CACHD1: variants seen among roughly 807,000 people sequenced by gnomAD.
CACHD1 encodes VWFA and cache domain-containing protein 1.
A neutral mutation model predicts 138.7 loss-of-function variants in CACHD1; 71 were observed. That is an observed-to-expected ratio of 0.51 (90% CI 0.42 to 0.62). The LOEUF is 0.62. CACHD1 is among the 20% of genes least tolerant of loss of function. The pLI is 0.00. For missense variants in CACHD1, 1,389 were observed against 1,625.3 expected (o/e 0.85, Z 2.50); for synonymous variants, 578 against 591.5 (o/e 0.98, Z 0.33).
At chr1:64,548,727 A>G (rs1646736617) in intron 1 of CACHD1, among the ~76,000 whole-genome samples, 1 of 152,252 alleles carries the variant, frequency 6.6e-6, no homozygotes, top group African/African-American at 2.4e-5. Flanking sequence ...AACAAGGACT[A>G]TACATACACA....
At chr1:64,523,361 AAAAAT>A (rs768577034) in intron 1 of CACHD1, among the ~76,000 whole-genome samples, 163 of 151,468 alleles carry the variant, frequency 1.1e-3, no homozygotes, top group Admixed American at 2.6e-3. Flanking sequence ...TCCATAGTTA[AAAAAT>A]AAGTTTTCTA....
chr1:64,486,494 G>A (rs1253205437), intron 1 of CACHD1, among the ~76,000 whole-genome samples: 3 of 151,906 alleles, frequency 2.0e-5, no homozygotes, highest in African/African-American at 7.3e-5. Flanking sequence ...ATTTTCTTTC[G>A]AGTGACATTG....
chr1:64,588,568 C>T (rs1355626173), intron 3 of CACHD1, among the ~76,000 whole-genome samples: 1 of 151,826 alleles, frequency 6.6e-6, no homozygotes, highest in East Asian at 1.9e-4. Context: ...TGTAGAGAAG[C>T]GGTTTCACTG....
chr1:64,662,886 A>G (rs1410535392), intron 13 of CACHD1, among the ~76,000 whole-genome samples: 1 of 152,176 alleles, frequency 6.6e-6, no homozygotes, highest in African/African-American at 2.4e-5. Context: ...TGATTTTTGC[A>G]TTGATTTCAC....
At chr1:64,561,220 G>T in intron 2 of CACHD1, among the ~76,000 whole-genome samples, 1 of 146,680 alleles carries the variant, frequency 6.8e-6, no homozygotes, top group South Asian at 2.1e-4. Context: ...AATTTTATCT[G>T]TTAATATTCT....
Position 64,675,530 on chromosome 1 carries a change from A to G in CACHD1, c.2857A>G (p.Met953Val), listed in dbSNP as rs1176326575. ...CTCTCTTGCCTTCTGTGCCTGCAGCATGGTGGACCGACTCTGTCTCAACTG... is the reference window on the plus strand; with the variant it reads ...CTCTCTTGCCTTCTGTGCCTGCAGCGTGGTGGACCGACTCTGTCTCAACTG... The part of the protein sequence containing the change: ...CDSLAFCACS[M>V]VDRLCLNCHR... The change falls in exon 20 of 27, where the codon ATG (methionine) becomes GTG (valine). Residue 953 changes from methionine to valine, a missense_variant. Transcript: ENST00000651257. The G allele has an allele frequency of 1.1e-5, 18 of 1,613,018 alleles. No individual in the cohort carries two copies. In the East Asian group the frequency reaches 2.0e-4, roughly 18 times the overall value.
chr1:64,664,151 T>C, intron 14 of CACHD1: 2 of 454,500 alleles, frequency 4.4e-6, no homozygotes, highest in Non-Finnish European at 7.8e-6. Context: ...AGAAGTAAAG[T>C]GCCCCTGCTG....
chr1:64,550,447 T>C, intron 1 of CACHD1, 147 bp from the exon 2 acceptor site: 1 of 583,032 alleles, frequency 1.7e-6, no homozygotes, highest in Admixed American at 3.0e-5. Flanking sequence ...TGGCTGATAC[T>C]TGGGTTTCTC....
chr1:64,652,322 A>T lies in CACHD1; in HGVS notation c.1540+12A>T, dbSNP rs766647510. The T allele has an allele frequency of 6.3e-7, 1 of 1,592,558 alleles. No individual in the cohort carries two copies. Among genetic ancestry groups the T allele is most frequent in the South Asian group, 1.2e-5 (1 of 86,810 alleles). ...CATAGACGACAAAGGTAATCTGCTA[A>T]ATGTTCATCCTAAGAATACTTTTTT... is the stretch of plus-strand genomic sequence containing the variant. On this transcript the variant is annotated intron_variant, in intron 10 of 26. Coordinates refer to ENST00000651257, the MANE Select transcript of CACHD1 (RefSeq NM_020925.4).
chr1:64,524,577 T>A (rs1478483974), intron 1 of CACHD1, among the ~76,000 whole-genome samples: 1 of 152,212 alleles, frequency 6.6e-6, no homozygotes, highest in Non-Finnish European at 1.5e-5. Flanking sequence ...TCAGGTACAC[T>A]ATATTTGCCT....
chr1:64,685,590 T>A (rs1241393922), intron 26 of CACHD1, among the ~76,000 whole-genome samples: 1 of 152,132 alleles, frequency 6.6e-6, no homozygotes, highest in African/African-American at 2.4e-5. Context: ...CTTAGTGAGC[T>A]ACCTTAGACC....
chr1:64,632,536 G>A (rs1031998501), intron 5 of CACHD1, 63 bp from the exon 6 acceptor site: 6 of 1,567,872 alleles, frequency 3.8e-6, no homozygotes, highest in Non-Finnish European at 5.2e-6. Context: ...GTTCACAGCT[G>A]TGTTAAGTTG....
intron 2 of CACHD1, among the ~76,000 whole-genome samples, chr1:64,556,532 A>C (rs945905877): frequency 6.6e-6 from 1 of 152,092 alleles, no homozygotes; most frequent in African/African-American, 2.4e-5. Context: ...TCTTGTTGAG[A>C]GTTGGATCTT....
At chr1:64,578,268 A>G (rs1352791554) in intron 2 of CACHD1, among the ~76,000 whole-genome samples, 1 of 152,218 alleles carries the variant, frequency 6.6e-6, no homozygotes, top group African/African-American at 2.4e-5. Context: ...ACTCATTGAT[A>G]TAAAATGAGA....
In CACHD1 at chr1:64,663,709, A is replaced by G; in HGVS notation, c.1966A>G (p.Met656Val). Residue 656 changes from methionine (M) to valine (V), a missense_variant, in exon 14 of 27, where the codon ATG becomes GTG. Coordinates refer to ENST00000651257, the MANE Select transcript of CACHD1 (RefSeq NM_020925.4). ...QLATLESPTI[M>V]LSAGSFSSPY... Reference sequence around the variant, plus strand: ...TTCTCTTTCAGAAAGTCCCACCATCATGCTGTCTGCTGGCAGCTTTTCCTC... The same window carrying G: ...TTCTCTTTCAGAAAGTCCCACCATCGTGCTGTCTGCTGGCAGCTTTTCCTC... The G allele has an allele frequency of 1.9e-6, 3 of 1,614,092 alleles. No homozygotes were observed. The highest frequency in any genetic ancestry group is 1.3e-5 in the African/African-American group (1 of 75,012).
At position 64,664,552 on chromosome 1, in the gene CACHD1, A is replaced by G. The variant is rs760928694; in HGVS notation, c.2149A>G (p.Thr717Ala). The G allele has an allele frequency of 1.9e-6, 3 of 1,614,106 alleles. No individual in the cohort carries two copies. Among genetic ancestry groups the G allele is most frequent in the Non-Finnish European group, 2.5e-6 (3 of 1,180,022 alleles). ...CAGCCACGTCACAGATGAATGGATG[A>G]CACAAATGGAAATGAGTAGCCTGAA... ...ATSHVTDEWM[T>A]QMEMSSLNTY... Residue 717 changes from threonine to alanine, a missense_variant, in exon 15 of 27, where the codon ACA (threonine) becomes GCA (alanine). Transcript: ENST00000651257.
chr1:64,500,734 AAGAGAGAGAGAGAG>A (rs5774705), intron 1 of CACHD1, among the ~76,000 whole-genome samples: 1 of 26,456 alleles, frequency 3.8e-5, no homozygotes. Context: ...AAAAAAAAAA[AAGAGAGAGAGAGAG>A]AGAGAGAGAG....
At chr1:64,557,424 C>T (rs1646806959) in intron 2 of CACHD1, among the ~76,000 whole-genome samples, 1 of 152,078 alleles carries the variant, frequency 6.6e-6, no homozygotes, top group Non-Finnish European at 1.5e-5. Flanking sequence ...CATAGTGTTT[C>T]AGAAACTGTT....
intron 3 of CACHD1, among the ~76,000 whole-genome samples, chr1:64,588,018 G>C (rs912491643): frequency 1.3e-5 from 2 of 151,824 alleles, no homozygotes; most frequent in African/African-American, 4.8e-5. Context: ...ACTGCTACTT[G>C]GTAACAGTCT....
Sources: gnomAD v4.1 joint callset for allele counts (sites outside exome capture counted in the v4.1 genomes callset) on GRCh38, gnomAD v4.1.1 for gene constraint, MANE v1.5 for transcripts, NCBI Gene and HGNC (gene_info 2026-07-23, HGNC 2026-07-21) for gene names.